ZNF385D: variants seen among roughly 807,000 people sequenced by gnomAD.
ZNF385D encodes zinc finger protein 659.
In ZNF385D, 15 loss-of-function variants were observed where a neutral mutation model predicts 35.8. That is an observed-to-expected ratio of 0.42 (90% CI 0.28 to 0.64). ZNF385D has a LOEUF of 0.64. Ranked by LOEUF, ZNF385D falls within the 30% of genes least tolerant of loss-of-function variation. The probability of loss-of-function intolerance (pLI) is 0.23; values close to 1 mark genes in which losing one functional copy is unlikely to be tolerated. For synonymous variants in ZNF385D, 212 were observed against 186.8 expected (o/e 1.13, Z -1.10); for missense variants, 474 against 494.6 (o/e 0.96, Z 0.39).
chr3:22,233,795 ATCTCC>A (rs1244030923), intron 2 of ZNF385D, among the ~76,000 whole-genome samples: 2 of 151,998 alleles, frequency 1.3e-5, no homozygotes, highest in Non-Finnish European at 2.9e-5. Flanking sequence ...TTCCTTCTGT[ATCTCC>A]TCTCCTAAGT....
intron 3 of ZNF385D, among the ~76,000 whole-genome samples, chr3:22,164,001 T>TAAGG (rs1706140357): frequency 6.6e-6 from 1 of 152,206 alleles, no homozygotes; most frequent in South Asian, 2.1e-4. Context: ...AATAACTGTG[T>TAAGG]AAGGCTTGTA....
chr3:21,852,009 C>A (rs1033939637), intron 3 of ZNF385D, among the ~76,000 whole-genome samples: 2 of 152,098 alleles, frequency 1.3e-5, no homozygotes, highest in African/African-American at 4.8e-5. Flanking sequence ...TAAAATGCTT[C>A]ATGACAGCAA....
intron 3 of ZNF385D, among the ~76,000 whole-genome samples, chr3:21,914,949 G>T (rs1476463743): frequency 2.0e-5 from 3 of 150,874 alleles, no homozygotes; most frequent in South Asian, 2.1e-4. Flanking sequence ...TCCAAAATTA[G>T]TATGTGTGCA....
chr3:22,220,818 T>C (rs911565147), intron 2 of ZNF385D, among the ~76,000 whole-genome samples: 14 of 152,202 alleles, frequency 9.2e-5, no homozygotes, highest in African/African-American at 3.1e-4. Flanking sequence ...TGTGCTACTA[T>C]AGCTATTTGC....
intron 3 of ZNF385D, among the ~76,000 whole-genome samples, chr3:21,975,645 A>C (rs1242719667): frequency 6.7e-6 from 1 of 149,424 alleles, no homozygotes; most frequent in Non-Finnish European, 1.5e-5. Context: ...TTTTATCAAA[A>C]TACCTCATGT....
At chr3:21,846,243 T>C (rs557066001) in intron 3 of ZNF385D, among the ~76,000 whole-genome samples, 1 of 152,172 alleles carries the variant, frequency 6.6e-6, no homozygotes, top group East Asian at 1.9e-4. Context: ...TTGGAATTTC[T>C]CTAGTTGCTC....
intron 3 of ZNF385D, among the ~76,000 whole-genome samples, chr3:22,003,121 G>C (rs555255785): frequency 9.5e-4 from 144 of 152,248 alleles, no homozygotes; most frequent in African/African-American, 2.4e-3. Context: ...GATTGGAAAA[G>C]AAGTCAAATT....
intron 3 of ZNF385D, among the ~76,000 whole-genome samples, chr3:22,065,308 G>A (rs149882325): frequency 1.1e-4 from 16 of 152,260 alleles, no homozygotes; most frequent in Non-Finnish European, 1.9e-4. Context: ...CATCTAGCTC[G>A]CTGTCCTAGC....
chr3:21,993,355 A>G (rs1249870895), intron 3 of ZNF385D, among the ~76,000 whole-genome samples: 1 of 152,144 alleles, frequency 6.6e-6, no homozygotes, highest in Non-Finnish European at 1.5e-5. Flanking sequence ...TGCACATGCC[A>G]TTTTGTGATA....
chr3:22,197,716 T>A (rs917089264), intron 2 of ZNF385D, among the ~76,000 whole-genome samples: 1 of 152,088 alleles, frequency 6.6e-6, no homozygotes, highest in African/African-American at 2.4e-5. Flanking sequence ...TAATAGCAGC[T>A]TCCCTTCCCC....
chr3:21,713,420 C>T (rs1256806118), intron 1 of ZNF385D, among the ~76,000 whole-genome samples: 4 of 152,248 alleles, frequency 2.6e-5, no homozygotes, highest in East Asian at 1.9e-4. Flanking sequence ...GTTTTCTCTT[C>T]CACCCTCCTG....
chr3:22,022,020 G>A (rs532173005), intron 3 of ZNF385D, among the ~76,000 whole-genome samples: 1 of 152,048 alleles, frequency 6.6e-6, no homozygotes, highest in African/African-American at 2.4e-5. Context: ...CAGAATAAAG[G>A]CTACGTGGTT....
At chr3:22,291,921 TTTCTC>T (rs1355472322) in intron 2 of ZNF385D, among the ~76,000 whole-genome samples, 2 of 152,058 alleles carry the variant, frequency 1.3e-5, no homozygotes, top group African/African-American at 4.8e-5. Flanking sequence ...TTCTATTATC[TTTCTC>T]TTATTTTGGT....
At position 21,737,472 on chromosome 3, in the gene ZNF385D, C is replaced by T. The variant is rs1395415133; in HGVS notation, c.22+13423G>A. On this transcript the variant is annotated intron_variant, in intron 1 of 7. Coordinates refer to ENST00000281523, the MANE Select transcript of ZNF385D (RefSeq NM_024697.3). ...AACAAGAGGGGGATATATATACACA[C>T]ACACACACACACACACATACACATA... Among the ~76,000 whole-genome samples the T allele has an allele frequency of 8.5e-3, 1,294 of 151,840 alleles. 23 individuals carry two copies. Among genetic ancestry groups the T allele is most frequent in the African/African-American group, 0.03 (1,222 of 41,338 alleles).
At chr3:22,118,371 GTAAATA>G (rs1205967891) in intron 3 of ZNF385D, among the ~76,000 whole-genome samples, 1 of 152,014 alleles carries the variant, frequency 6.6e-6, no homozygotes, top group Non-Finnish European at 1.5e-5. Context: ...TTAGAAAACT[GTAAATA>G]TAAATATAAG....
intron 2 of ZNF385D, among the ~76,000 whole-genome samples, chr3:21,577,657 G>A (rs1052081798): frequency 2.1e-4 from 32 of 152,068 alleles, no homozygotes; most frequent in African/African-American, 4.8e-4. Flanking sequence ...CTCTTTCTCC[G>A]CAACCTCACT....
At chr3:22,246,683 C>A (rs1448632258) in intron 2 of ZNF385D, among the ~76,000 whole-genome samples, 1 of 152,036 alleles carries the variant, frequency 6.6e-6, no homozygotes, top group Non-Finnish European at 1.5e-5. Flanking sequence ...AATCTATGAT[C>A]AAAGGAGGGA....
intron 3 of ZNF385D, among the ~76,000 whole-genome samples, chr3:21,857,366 C>T (rs930095448): frequency 6.6e-6 from 1 of 152,046 alleles, no homozygotes; most frequent in African/African-American, 2.4e-5. Flanking sequence ...CAGTGCCTAG[C>T]ACATAGTAAG....
chr3:22,185,560 C>G (rs894828572), intron 2 of ZNF385D, among the ~76,000 whole-genome samples: 1 of 152,108 alleles, frequency 6.6e-6, no homozygotes, highest in Non-Finnish European at 1.5e-5. Context: ...CTCCGCCTCC[C>G]GGGTTCAAGC....
Sources: gnomAD v4.1 joint callset for allele counts (sites outside exome capture counted in the v4.1 genomes callset) on GRCh38, gnomAD v4.1.1 for gene constraint, MANE v1.5 for transcripts, NCBI Gene and HGNC (gene_info 2026-07-23, HGNC 2026-07-21) for gene names.